SPMIP6: variants seen among roughly 807,000 people sequenced by gnomAD.
The protein encoded by SPMIP6 is ciliated bronchial epithelial protein 1.
chr9:34,381,292 T>C, the SPMIP6 span: 83 of 1,603,522 alleles, frequency 5.2e-5, no homozygotes, highest in African/African-American at 9.6e-4. The surrounding 1 kb of genome is among the most constrained non-coding windows in gnomAD (Gnocchi z 4.4). Context: ...GTCCTTCAGG[T>C]ACCCATCCCG....
the SPMIP6 span, chr9:34,382,868 T>A: frequency 6.3e-7 from 1 of 1,599,178 alleles, no homozygotes; most frequent in Non-Finnish European, 8.6e-7. Context: ...TGCATTTGTC[T>A]GCTGGATAAT....
At chr9:34,394,496 A>C in the SPMIP6 span, among the ~76,000 whole-genome samples, 1 of 148,936 alleles carries the variant, frequency 6.7e-6, no homozygotes, top group Admixed American at 6.7e-5. Context: ...TAATATCTGA[A>C]ATTCTTGGGA....
the SPMIP6 span, among the ~76,000 whole-genome samples, chr9:34,389,185 C>T: frequency 6.6e-6 from 1 of 152,192 alleles, no homozygotes; most frequent in African/African-American, 2.4e-5. Context: ...GATCCTCCTG[C>T]CTTAGACTCC....
chr9:34,385,695 C>T, the SPMIP6 span: 4 of 1,613,870 alleles, frequency 2.5e-6, no homozygotes, highest in Middle Eastern at 1.7e-4. Flanking sequence ...ATATGGACCC[C>T]CTATAAGTGT....
At chr9:34,388,678 G>A in the SPMIP6 span, among the ~76,000 whole-genome samples, 1 of 146,290 alleles carries the variant, frequency 6.8e-6, no homozygotes, top group Non-Finnish European at 1.5e-5. Flanking sequence ...TTCCAAAATT[G>A]TGTCGCCATT....
At chr9:34,388,947 T>C in the SPMIP6 span, among the ~76,000 whole-genome samples, 10 of 150,282 alleles carry the variant, frequency 6.7e-5, no homozygotes, top group Non-Finnish European at 1.3e-4. Context: ...TTTTTTTTTT[T>C]TTTTGAGACA....
chr9:34,393,306 C>T, the SPMIP6 span, among the ~76,000 whole-genome samples: 1 of 152,198 alleles, frequency 6.6e-6, no homozygotes, highest in South Asian at 2.1e-4. Flanking sequence ...CTTAAATTTA[C>T]CTCATGTTTA....
the SPMIP6 span, among the ~76,000 whole-genome samples, chr9:34,395,935 CCTTA>C: frequency 6.6e-6 from 1 of 152,026 alleles, no homozygotes; most frequent in Non-Finnish European, 1.5e-5. Flanking sequence ...TTGTTACAAC[CCTTA>C]CTTATTATGG....
At chr9:34,397,109 A>AT in the SPMIP6 span, among the ~76,000 whole-genome samples, 11 of 152,068 alleles carry the variant, frequency 7.2e-5, no homozygotes, top group Non-Finnish European at 1.0e-4. Flanking sequence ...CAGCTCTTCT[A>AT]TTCTTTCAGG....
chr9:34,387,129 G>A, the SPMIP6 span, among the ~76,000 whole-genome samples: 1 of 151,412 alleles, frequency 6.6e-6, no homozygotes. Flanking sequence ...CCAGGCTCAA[G>A]TGATCCTCCC....
chr9:34,380,624 C>T, the SPMIP6 span: 1 of 1,507,740 alleles, frequency 6.6e-7, no homozygotes, highest in Non-Finnish European at 8.9e-7. Context: ...ACCTCCAGAG[C>T]ATATAGAGAG....
chr9:34,393,390 C>A, the SPMIP6 span, among the ~76,000 whole-genome samples: 2 of 152,170 alleles, frequency 1.3e-5, no homozygotes, highest in Non-Finnish European at 2.9e-5. Context: ...CAGAGTATAT[C>A]CTTTAGAAGT....
chr9:34,393,709 T>C, the SPMIP6 span, among the ~76,000 whole-genome samples: 5 of 152,144 alleles, frequency 3.3e-5, no homozygotes, highest in African/African-American at 1.2e-4. Context: ...CATTAGATGT[T>C]TGTGGGATCT....
At chr9:34,379,312 C>T in the SPMIP6 span, 1 of 665,216 alleles carries the variant, frequency 1.5e-6, no homozygotes, top group Non-Finnish European at 2.7e-6. This position sits in a 1 kb window ranked among gnomAD's most constrained non-coding sequence, Gnocchi z 4.2. Context: ...ATACTGACCT[C>T]CTGACCTTAG....
At chr9:34,385,820 G>A in the SPMIP6 span, 9 of 1,596,682 alleles carry the variant, frequency 5.6e-6, no homozygotes, top group Non-Finnish European at 7.7e-6. Context: ...TAGGGGCACA[G>A]AGACCCCAGC....
the SPMIP6 span, among the ~76,000 whole-genome samples, chr9:34,385,070 G>T: frequency 1.1e-4 from 17 of 152,172 alleles, no homozygotes; most frequent in African/African-American, 4.1e-4. Flanking sequence ...TCTCCAACTC[G>T]CTAAGGATGG....
the SPMIP6 span, chr9:34,385,685 A>G: frequency 6.2e-7 from 1 of 1,613,850 alleles, no homozygotes; most frequent in Non-Finnish European, 8.5e-7. Context: ...GGGTGGCCTG[A>G]TATGGACCCC....
chr9:34,387,993 A>C, the SPMIP6 span, among the ~76,000 whole-genome samples: 1 of 152,142 alleles, frequency 6.6e-6, no homozygotes. Flanking sequence ...ATGGGGGTTC[A>C]CTTGTTTTCA....
the SPMIP6 span, chr9:34,382,626 A>C: frequency 2.9e-6 from 2 of 698,312 alleles, no homozygotes; most frequent in Non-Finnish European, 2.6e-6. Context: ...CAGATGCGGA[A>C]GAGCTCTGGG....
Sources: allele counts gnomAD v4.1 joint callset (sites outside exome capture counted in the v4.1 genomes callset), GRCh38; gene constraint gnomAD v4.1.1; non-coding constraint Gnocchi (gnomAD v3.1); transcripts MANE v1.5; gene names NCBI Gene and HGNC (gene_info 2026-07-23, HGNC 2026-07-21).